Variants in CTNNA2 observed in about 807,000 individuals in gnomAD.
The protein encoded by CTNNA2 is catenin alpha-2.
CTNNA2 carries 42 observed loss-of-function variants against 101.0 expected under a neutral mutation model. The ratio of observed to expected loss-of-function variants is 0.42; its 90% CI spans 0.32 to 0.54. The LOEUF is 0.54. CTNNA2 is among the 20% of genes least tolerant of loss of function. CTNNA2 has a pLI of 0.14. For synonymous variants in CTNNA2, 450 were observed against 456.4 expected, an observed-to-expected ratio of 0.99 and a Z score of 0.18; for missense variants, 871 against 1,223.1, an observed-to-expected ratio of 0.71 and a Z score of 4.29.
chr2:80,609,588 G>T (rs551457412), intron 17 of CTNNA2, among the ~76,000 whole-genome samples: 8 of 151,608 alleles, frequency 5.3e-5, no homozygotes, highest in Non-Finnish European at 1.0e-4. Context: ...AGATTCTCTC[G>T]CCAAGAAGTG....
intron 4 of CTNNA2, among the ~76,000 whole-genome samples, chr2:79,442,074 A>C (rs1250159293): frequency 6.6e-6 from 1 of 152,114 alleles, no homozygotes; most frequent in Non-Finnish European, 1.5e-5. Context: ...ATTTTATCAC[A>C]ATCTGTAATT....
rs74737168 is a variant in CTNNA2 at position 80,581,571 on chromosome 2, C to T, written c.1894-135C>T. The T allele has an allele frequency of 6.5e-4, 391 of 602,486 alleles. 1 individual carries two copies. In the African/African-American group the frequency reaches 6.7e-3, roughly 10 times the overall value. 37.3% of individuals were successfully genotyped at this position (602,486 alleles called of 1,614,324 possible). A position where few individuals can be genotyped will look rare whatever the true frequency, so the allele number is the denominator to read the frequency against. On this transcript the variant is annotated intron_variant, in intron 13 of 18. Transcript: ENST00000402739. ...CTGCATTCCGGCTAATACTCACCCA[C>T]ATAGCTGTGTGGGTGCTATGTAGGA...
chr2:80,036,401 C>G (rs933487689), intron 7 of CTNNA2, among the ~76,000 whole-genome samples: 1 of 151,914 alleles, frequency 6.6e-6, no homozygotes, highest in Non-Finnish European at 1.5e-5. Context: ...CCAGACCATC[C>G]CTGCAACATA....
At chr2:80,388,791 A>G (rs1390013088) in intron 7 of CTNNA2, among the ~76,000 whole-genome samples, 1 of 152,258 alleles carries the variant, frequency 6.6e-6, no homozygotes, top group Non-Finnish European at 1.5e-5. Context: ...TTGTTAAAGT[A>G]TGCTTAATTT....
chr2:79,302,012 G>A (rs916076257), intron 2 of CTNNA2, among the ~76,000 whole-genome samples: 1 of 152,076 alleles, frequency 6.6e-6, no homozygotes, highest in African/African-American at 2.4e-5. Flanking sequence ...AGAATCACTT[G>A]AACCTGGGAG....
intron 2 of CTNNA2, among the ~76,000 whole-genome samples, chr2:79,712,013 A>T (rs1685769131): frequency 6.6e-6 from 1 of 152,192 alleles, no homozygotes; most frequent in African/African-American, 2.4e-5. Flanking sequence ...TTTGCCAACT[A>T]CAGGATAAAA....
intron 7 of CTNNA2, among the ~76,000 whole-genome samples, chr2:79,983,515 T>C (rs1332563398): frequency 6.6e-6 from 1 of 152,152 alleles, no homozygotes; most frequent in Non-Finnish European, 1.5e-5. Context: ...TAGAAGGATG[T>C]AGACATTTAA....
chr2:80,439,831 A>G (rs929602004), intron 9 of CTNNA2, among the ~76,000 whole-genome samples: 9 of 152,234 alleles, frequency 5.9e-5, no homozygotes. Flanking sequence ...TTTCTAAGAA[A>G]TGTGACATTA....
intron 7 of CTNNA2, among the ~76,000 whole-genome samples, chr2:80,009,463 T>C (rs1297205795): frequency 6.6e-6 from 1 of 152,216 alleles, no homozygotes; most frequent in Non-Finnish European, 1.5e-5. Flanking sequence ...TATTGCTGCC[T>C]GAAGACTCAA....
intron 4 of CTNNA2, among the ~76,000 whole-genome samples, chr2:79,447,619 A>G (rs1347314118): frequency 6.6e-6 from 1 of 152,018 alleles, no homozygotes; most frequent in East Asian, 1.9e-4. Flanking sequence ...TTCCCTCTAA[A>G]GCAGAGCTAC....
intron 2 of CTNNA2, among the ~76,000 whole-genome samples, chr2:79,209,022 G>C (rs1400652921): frequency 6.6e-6 from 1 of 152,038 alleles, no homozygotes; most frequent in Non-Finnish European, 1.5e-5. Flanking sequence ...AACCTTAAAG[G>C]ATATTCATGT....
chr2:79,722,433 G>A (rs1318834449), intron 2 of CTNNA2, among the ~76,000 whole-genome samples: 1 of 152,128 alleles, frequency 6.6e-6, no homozygotes, highest in South Asian at 2.1e-4. Context: ...ACATGAACAG[G>A]TGATTAGAGG....
intron 7 of CTNNA2, among the ~76,000 whole-genome samples, chr2:80,024,193 T>C (rs1478354501): frequency 6.6e-6 from 1 of 152,112 alleles, no homozygotes; most frequent in East Asian, 1.9e-4. Context: ...ATAATTTATC[T>C]CATTTAATAT....
chr2:80,575,818 G>T (rs901104382), intron 13 of CTNNA2, among the ~76,000 whole-genome samples: 1 of 151,958 alleles, frequency 6.6e-6, no homozygotes, highest in Non-Finnish European at 1.5e-5. Context: ...ATAAAATGTC[G>T]TATCTTTGTC....
At chr2:80,635,271 C>T (rs1672760602) in intron 18 of CTNNA2, among the ~76,000 whole-genome samples, 1 of 152,004 alleles carries the variant, frequency 6.6e-6, no homozygotes, top group Non-Finnish European at 1.5e-5. Context: ...ATTTGGAGGG[C>T]ATTATTCTGT....
chr2:79,946,089 T>C (rs1688473582), intron 7 of CTNNA2, among the ~76,000 whole-genome samples: 1 of 152,062 alleles, frequency 6.6e-6, no homozygotes, highest in Admixed American at 6.6e-5. Flanking sequence ...AATTAAAAGA[T>C]AATACCTCAT....
intron 3 of CTNNA2, among the ~76,000 whole-genome samples, chr2:79,835,666 GTTTTTTTTTTTTTTTTTTT>G (rs70940048): frequency 2.2e-4 from 13 of 58,634 alleles, no homozygotes; most frequent in East Asian, 1.3e-3. Flanking sequence ...GCCTCTCTTT[GTTTTTTTTTTTTTTTTTTT>G]TTTTTTTTTT....
At chr2:79,294,987 G>A (rs1260089044) in intron 2 of CTNNA2, among the ~76,000 whole-genome samples, 1 of 111,722 alleles carries the variant, frequency 9.0e-6, no homozygotes, top group Admixed American at 1.0e-4. Flanking sequence ...GCACTTGTGT[G>A]TGAGTTCATG....
At chr2:79,802,009 A>C (rs1315703872) in intron 3 of CTNNA2, among the ~76,000 whole-genome samples, 1 of 151,074 alleles carries the variant, frequency 6.6e-6, no homozygotes, top group African/African-American at 2.4e-5. Flanking sequence ...AAAAAAAAAA[A>C]AAAATGAAAA....
Sources: allele counts gnomAD v4.1 joint callset (sites outside exome capture counted in the v4.1 genomes callset), GRCh38; gene constraint gnomAD v4.1.1; transcripts MANE v1.5; gene names NCBI Gene and HGNC (gene_info 2026-07-23, HGNC 2026-07-21).